VAT1L: variants seen among roughly 807,000 people sequenced by gnomAD.
The protein encoded by VAT1L is putative NADPH-dependent quinone oxidoreductase VAT1L.
A neutral mutation model predicts 44.1 loss-of-function variants in VAT1L; 34 were observed. That is an observed-to-expected ratio of 0.77 (90% CI 0.59 to 1.03). The LOEUF is 1.03. VAT1L is among the 50% of genes least tolerant of loss of function. The pLI is 0.00. For missense variants in VAT1L, 615 were observed against 538.8 expected (o/e 1.14, Z -1.40); for synonymous variants, 253 against 202.2 (o/e 1.25, Z -2.13).
chr16:77,910,339 T>C (rs187934529), intron 7 of VAT1L, among the ~76,000 whole-genome samples: 1 of 152,322 alleles, frequency 6.6e-6, no homozygotes, highest in East Asian at 1.9e-4. Context: ...ACATGAATCC[T>C]AGTAGTTTGG....
chr16:77,885,670 G>A (rs964627219), intron 7 of VAT1L, among the ~76,000 whole-genome samples: 1 of 152,030 alleles, frequency 6.6e-6, no homozygotes. Flanking sequence ...TTTGCATGAG[G>A]GAAGTGCCTT....
rs907321282 is a variant in VAT1L, at chr16:77,922,068, CT to C, written c.1077+37273del. On this transcript the variant is annotated intron_variant, in intron 7 of 8. Transcript: ENST00000302536. Reference sequence around the variant, plus strand: ...CTAGCCACATATACTTTAGAAAAACCTTTTTTTCAGGTTAGCACCTACTGAG... The same window carrying C: ...CTAGCCACATATACTTTAGAAAAACCTTTTTTCAGGTTAGCACCTACTGAG... Among the ~76,000 whole-genome samples the C allele has an allele frequency of 2.0e-4, 30 of 152,168 alleles. 1 individual carries two copies. The highest frequency in any genetic ancestry group is 7.2e-4 in the African/African-American group (30 of 41,518).
intron 7 of VAT1L, among the ~76,000 whole-genome samples, chr16:77,951,513 T>C (rs1365565016): frequency 6.6e-6 from 1 of 152,122 alleles, no homozygotes; most frequent in Non-Finnish European, 1.5e-5. Flanking sequence ...GCCACCGCAC[T>C]CCAGCCAGGG....
intron 7 of VAT1L, among the ~76,000 whole-genome samples, chr16:77,900,969 T>A (rs140783728): frequency 0.012 from 1,798 of 151,868 alleles, 18 homozygotes; most frequent in Non-Finnish European, 0.015. Context: ...GGCATTTGCT[T>A]TGGGTCAGCA....
intron 4 of VAT1L, among the ~76,000 whole-genome samples, chr16:77,864,554 T>C (rs1224180046): frequency 2.0e-5 from 3 of 152,168 alleles, no homozygotes; most frequent in Non-Finnish European, 4.4e-5. Flanking sequence ...TGCAGTGAGC[T>C]GAGATCATGC....
At chr16:77,855,052 T>C (rs1407344963) in intron 3 of VAT1L, among the ~76,000 whole-genome samples, 2 of 152,084 alleles carry the variant, frequency 1.3e-5, no homozygotes, top group Non-Finnish European at 2.9e-5. Context: ...ATTTTAAAAA[T>C]GTGAAACCGC....
At chr16:77,865,991 T>C (rs147389367) in intron 4 of VAT1L, among the ~76,000 whole-genome samples, 30 of 152,322 alleles carry the variant, frequency 2.0e-4, no homozygotes, top group African/African-American at 7.0e-4. Context: ...AGAAGGCATT[T>C]GAGACCCACC....
chr16:77,962,897 G>A (rs2018179456), intron 7 of VAT1L, among the ~76,000 whole-genome samples: 1 of 152,146 alleles, frequency 6.6e-6, no homozygotes, highest in African/African-American at 2.4e-5. Flanking sequence ...AGTGGGTTGT[G>A]ATCATGCCAC....
Position 77,880,418 on chromosome 16 carries a change from C to T in VAT1L, c.882+1194C>T, listed in dbSNP as rs554314733. On this transcript the variant is annotated intron_variant, in intron 6 of 8. Transcript: ENST00000302536. ...CAAGCAATCCGCTTGCCTCAGCCTC[C>T]CAAAGTGCTGGAATTATAGGTGTGA... 8.5e-5 allele frequency among the ~76,000 whole-genome samples: 13 copies of T among 152,104 alleles called. No homozygotes were observed. The East Asian group carries it at 1.6e-3, about 18-fold the overall frequency.
intron 7 of VAT1L, among the ~76,000 whole-genome samples, chr16:77,952,996 G>C (rs1219566860): frequency 2.6e-5 from 4 of 151,652 alleles, no homozygotes; most frequent in Non-Finnish European, 5.9e-5. Flanking sequence ...CAACATTGCA[G>C]ATATTTAAAA....
At chr16:77,804,115 C>T (rs1325461955) in intron 1 of VAT1L, among the ~76,000 whole-genome samples, 1 of 152,142 alleles carries the variant, frequency 6.6e-6, no homozygotes, top group Non-Finnish European at 1.5e-5. Context: ...CTAGCCAAGC[C>T]CCAAAACACA....
chr16:77,970,285 T>C (rs2018265595), intron 7 of VAT1L, among the ~76,000 whole-genome samples: 1 of 152,142 alleles, frequency 6.6e-6, no homozygotes, highest in Non-Finnish European at 1.5e-5. Context: ...AAAGACTGCA[T>C]TTAAAAGTGC....
At chr16:77,953,011 G>A (rs7187817) in intron 7 of VAT1L, among the ~76,000 whole-genome samples, 12,664 of 152,014 alleles carry the variant, frequency 0.083, 586 homozygotes, top group African/African-American at 0.11. Flanking sequence ...TTAAAACGAG[G>A]TCATATCAGA....
chr16:77,839,601 T>G (rs193239250), intron 3 of VAT1L, among the ~76,000 whole-genome samples: 10,053 of 143,468 alleles, frequency 0.07, 467 homozygotes, highest in Non-Finnish European at 0.1. Flanking sequence ...CCTGGGCATT[T>G]GACAAACTGA....
At chr16:77,847,669 T>TG (rs1373952429) in intron 3 of VAT1L, among the ~76,000 whole-genome samples, 1 of 152,124 alleles carries the variant, frequency 6.6e-6, no homozygotes, top group Non-Finnish European at 1.5e-5. Flanking sequence ...CTTGTGCACA[T>TG]GCATCAAAAG....
chr16:77,957,365 G>A (rs973900232), intron 7 of VAT1L, among the ~76,000 whole-genome samples: 3 of 152,180 alleles, frequency 2.0e-5, no homozygotes, highest in African/African-American at 7.2e-5. Context: ...CCTCCATGCA[G>A]AAATATAATA....
In VAT1L at chr16:77,967,872, T is replaced by C. The variant is rs2018239416; in HGVS notation, c.1078-3978T>C. Among the ~76,000 whole-genome samples the C allele has an allele frequency of 2.0e-5, 3 of 152,086 alleles. No individual in the cohort carries two copies. The South Asian group carries it at 6.2e-4, about 32-fold the overall frequency. On this transcript the variant is annotated intron_variant, in intron 7 of 8. Transcript: ENST00000302536. The stretch of plus-strand genomic sequence containing the variant: ...CACTACCTACCTCATTCCTCTGCCT[T>C]TGAGAGTCAAACAAAGCAGTACGGA...
rs369833749 is a variant in VAT1L at position 77,960,833 on chromosome 16, A to G, written c.1078-11017A>G. Among the ~76,000 whole-genome samples, 41 of 152,218 alleles carry G rather than the reference A, an allele frequency of 2.7e-4. No homozygotes were observed. The East Asian group carries it at 6.2e-3, about 23-fold the overall frequency. On this transcript the variant is annotated intron_variant, in intron 7 of 8. Coordinates refer to ENST00000302536, the MANE Select transcript of VAT1L (RefSeq NM_020927.3). ...AATTTCATTGCAGACAGTAATGACT[A>G]TAACTACTGCCGAGAAATGACCGTG... is the stretch of plus-strand genomic sequence containing the variant.
chr16:77,921,517 A>G (rs1421904569), intron 7 of VAT1L, among the ~76,000 whole-genome samples: 1 of 152,098 alleles, frequency 6.6e-6, no homozygotes, highest in African/African-American at 2.4e-5. Context: ...AATTAGTTAC[A>G]TTCCTATTTT....
Sources: gnomAD v4.1 joint callset for allele counts (sites outside exome capture counted in the v4.1 genomes callset) on GRCh38, gnomAD v4.1.1 for gene constraint, MANE v1.5 for transcripts, NCBI Gene and HGNC (gene_info 2026-07-23, HGNC 2026-07-21) for gene names.